The following MRPL14 variants were observed in gnomAD, a reference collection of about 807,000 sequenced individuals.
MRPL14 encodes mitochondrial ribosomal protein L14, also known as large ribosomal subunit protein uL14m.
Under a neutral mutation model 10.9 loss-of-function variants are expected in MRPL14, and 8 were observed. The observed-to-expected ratio is 0.74, with a 90% confidence interval of 0.43 to 1.33. The LOEUF is 1.33. Ranked by LOEUF, MRPL14 falls within the 40% of genes most tolerant of loss-of-function variation. The pLI, the probability that MRPL14 is intolerant of heterozygous loss-of-function variation, is 0.01. For synonymous variants in MRPL14, 82 were observed against 74.1 expected, an observed-to-expected ratio of 1.11 and a Z score of -0.54; for missense variants, 179 against 194.5, an observed-to-expected ratio of 0.92 and a Z score of 0.47.
chr6:44,126,816 GCA>G (rs1294138667), intron 1 of MRPL14: 2 of 152,206 alleles, frequency 1.3e-5, no homozygotes, highest in African/African-American at 4.8e-5. Flanking sequence ...ACTGGTAGAT[GCA>G]GTCTCTGGTG....
chr6:44,126,700 G>C lies in MRPL14; in HGVS notation c.-19+644C>G, dbSNP rs146661802. ...TCCTTTTTGTCCCCTCCAGGAACCA[G>C]AAATTAAATGACCAGGTTGGTGCCC... On this transcript the variant is annotated intron_variant, in intron 1 of 2. Coordinates refer to ENST00000372014, the MANE Select transcript of MRPL14 (RefSeq NM_032111.4). 2.6e-5 allele frequency among the ~76,000 whole-genome samples: 4 copies of C among 152,352 alleles called. No homozygotes were observed. The South Asian group carries it at 8.3e-4, about 32-fold the overall frequency.
At chr6:44,120,936 T>C (rs938646264) in intron 1 of MRPL14, among the ~76,000 whole-genome samples, 3 of 152,166 alleles carry the variant, frequency 2.0e-5, no homozygotes, top group Admixed American at 6.5e-5. Flanking sequence ...CCCCCTGGAC[T>C]CACCTCCTGG....
At chr6:44,124,961 G>T (rs1306694242) in intron 1 of MRPL14, among the ~76,000 whole-genome samples, 1 of 152,142 alleles carries the variant, frequency 6.6e-6, no homozygotes, top group African/African-American at 2.4e-5. Flanking sequence ...TAATCCCAAA[G>T]ACATAAATGG....
At chr6:44,118,593 GTTTC>G (rs1325168666) in intron 1 of MRPL14, among the ~76,000 whole-genome samples, 3 of 152,188 alleles carry the variant, frequency 2.0e-5, no homozygotes, top group Admixed American at 1.3e-4. Flanking sequence ...GCCTCTTTCT[GTTTC>G]TTTATTTATG....
At chr6:44,115,663 C>T (rs1775773003) in intron 2 of MRPL14, among the ~76,000 whole-genome samples, 1 of 152,178 alleles carries the variant, frequency 6.6e-6, no homozygotes, top group African/African-American at 2.4e-5. Context: ...TGCTACTCCC[C>T]ACCATCTACA....
At chr6:44,115,853 T>C (rs972732625) in intron 2 of MRPL14, among the ~76,000 whole-genome samples, 1 of 152,232 alleles carries the variant, frequency 6.6e-6, no homozygotes, top group Admixed American at 6.5e-5. Context: ...TTTCTCCTCC[T>C]CTTCCTCCAC....
At chr6:44,119,086 C>T (rs905195019) in intron 1 of MRPL14, among the ~76,000 whole-genome samples, 2 of 152,236 alleles carry the variant, frequency 1.3e-5, no homozygotes, top group African/African-American at 4.8e-5. Flanking sequence ...CCCAAGGTCA[C>T]ATGGCTAGGA....
chr6:44,122,326 G>A (rs1457627131), intron 1 of MRPL14, among the ~76,000 whole-genome samples: 4 of 151,968 alleles, frequency 2.6e-5, no homozygotes, highest in Admixed American at 2.0e-4. Context: ...CTCGTGATCC[G>A]CCTGCCTCGG....
intron 1 of MRPL14, chr6:44,126,859 G>C (rs771442954): frequency 2.0e-5 from 3 of 152,360 alleles, no homozygotes; most frequent in Admixed American, 6.5e-5. Flanking sequence ...CCCTGGCCTG[G>C]GGGAGGGCGC....
chr6:44,121,085 A>G (rs1776361601), intron 1 of MRPL14, among the ~76,000 whole-genome samples: 1 of 152,116 alleles, frequency 6.6e-6, no homozygotes, highest in African/African-American at 2.4e-5. Flanking sequence ...TTCCTAGCAT[A>G]AATCCACCCT....
At chr6:44,119,384 C>T (rs766594686) in intron 1 of MRPL14, among the ~76,000 whole-genome samples, 1 of 151,930 alleles carries the variant, frequency 6.6e-6, no homozygotes, top group African/African-American at 2.4e-5. Flanking sequence ...AAAAATAAGC[C>T]GGGCATGGTG....
chr6:44,126,466 A>C (rs1235096086), intron 1 of MRPL14, among the ~76,000 whole-genome samples: 2 of 151,834 alleles, frequency 1.3e-5, no homozygotes, highest in East Asian at 3.9e-4. Context: ...CAAGATCCAA[A>C]CCCCCCAGGT....
At chr6:44,122,106 G>A (rs571130002) in intron 1 of MRPL14, among the ~76,000 whole-genome samples, 139 of 150,528 alleles carry the variant, frequency 9.2e-4, no homozygotes, top group African/African-American at 3.0e-3. Context: ...TTTTGGAGAC[G>A]GAGTCCTGCT....
chr6:44,123,463 T>C (rs1776643306), intron 1 of MRPL14, among the ~76,000 whole-genome samples: 1 of 152,212 alleles, frequency 6.6e-6, no homozygotes, highest in Non-Finnish European at 1.5e-5. Context: ...ATCTCTTCAA[T>C]AAATATCTGC....
chr6:44,122,654 A>C (rs1776563139), intron 1 of MRPL14, among the ~76,000 whole-genome samples: 5 of 152,334 alleles, frequency 3.3e-5, no homozygotes, highest in African/African-American at 1.2e-4. Flanking sequence ...AGAAAACAAA[A>C]AGTTCAGCAC....
Position 44,113,843 on chromosome 6 carries a change from T to C in MRPL14, c.438A>G (p.Ter146TrpextTer93). The change falls in exon 3 of 3, where the codon TGA becomes TGG. Residue 146 changes from the stop codon to tryptophan, a stop_lost. Transcript: ENST00000372014. The part of the protein sequence containing the change: ...KVLAIAQNFV[*>W] ...CTGCAACCAGAGGCCTGGGCTCAAC[T>C]CACACAAAGTTCTGAGCAATGGCCA... The C allele has an allele frequency of 6.5e-7, 1 of 1,549,126 alleles. No individual in the cohort carries two copies. The highest frequency in any genetic ancestry group is 8.7e-7 in the Non-Finnish European group (1 of 1,144,066).
intron 1 of MRPL14, among the ~76,000 whole-genome samples, chr6:44,122,089 C>CTT (rs35413398): frequency 2.7e-5 from 4 of 148,032 alleles, no homozygotes; most frequent in Non-Finnish European, 3.0e-5. Flanking sequence ...TCCCCCCCCT[C>CTT]TTTTTTTTTT....
intron 1 of MRPL14, among the ~76,000 whole-genome samples, chr6:44,123,080 C>A (rs192914751): frequency 1.3e-5 from 2 of 152,296 alleles, no homozygotes; most frequent in Non-Finnish European, 1.5e-5. Context: ...TCACACAGAT[C>A]ACTTTCTTTG....
Position 44,113,869 on chromosome 6 carries a change from G to A in MRPL14, c.412C>T (p.Leu138=), listed in dbSNP as rs1775571955. 6.3e-7 allele frequency: 1 copy of A among 1,584,272 alleles called. No homozygotes were observed. Among genetic ancestry groups the A allele is most frequent in the Non-Finnish European group, 8.6e-7 (1 of 1,160,916 alleles). ...CACACAAAGTTCTGAGCAATGGCCAGCACCTTGGAATACTCGCCTTCCCGC... is the reference window on the plus strand; with the variant it reads ...CACACAAAGTTCTGAGCAATGGCCAACACCTTGGAATACTCGCCTTCCCGC... ...RKREGEYSKV[L]AIAQNFV Residue 138 remains leucine (L), a synonymous_variant, in exon 3 of 3, where the codon CTG becomes TTG. Coordinates refer to ENST00000372014, the MANE Select transcript of MRPL14 (RefSeq NM_032111.4).
Sources: gnomAD v4.1 joint callset for allele counts (sites outside exome capture counted in the v4.1 genomes callset) on GRCh38, gnomAD v4.1.1 for gene constraint, MANE v1.5 for transcripts, NCBI Gene and HGNC (gene_info 2026-07-23, HGNC 2026-07-21) for gene names.